The following HIP1R variants were observed in gnomAD, a reference collection of about 807,000 sequenced individuals.
The protein encoded by HIP1R is huntingtin-interacting protein 1-related protein.
A neutral mutation model predicts 144.2 loss-of-function variants in HIP1R; 135 were observed. The ratio of observed to expected loss-of-function variants is 0.94; its 90% CI spans 0.81 to 1.08. The LOEUF is 1.08. HIP1R is among the 50% of genes least tolerant of loss of function. HIP1R has a pLI of 0.00. For missense variants in HIP1R, 1,462 were observed against 1,432.8 expected (o/e 1.02, Z -0.33); for synonymous variants, 698 against 612.8 (o/e 1.14, Z -2.05).
In HIP1R at chr12:122,855,051, A is replaced by G; in HGVS notation, c.777-2A>G. The stretch of plus-strand genomic sequence containing the variant: ...AACCCGAACTTCCCACCATCTCTGC[A>G]GCCTCAGGAACTTCTTCCGCAGAGC... On this transcript the variant is annotated splice_acceptor_variant, in intron 9 of 31. Transcript: ENST00000253083. LOFTEE classifies it high-confidence loss of function. The G allele has an allele frequency of 6.2e-7, 1 of 1,613,882 alleles. No individual in the cohort carries two copies.
Position 122,860,904 on chromosome 12 carries a change from C to T in HIP1R, c.2767-12C>T, listed in dbSNP as rs1199937282. 2 of 1,607,492 alleles carry T rather than the reference C, an allele frequency of 1.2e-6. No individual in the cohort carries two copies. Among genetic ancestry groups the T allele is most frequent in the East Asian group, 2.2e-5 (1 of 44,534 alleles). On this transcript the variant is annotated splice_polypyrimidine_tract_variant and intron_variant, in intron 28 of 31. Transcript: ENST00000253083. The stretch of plus-strand genomic sequence containing the variant: ...GGGAGACCTGGGCCCACCCTGACCT[C>T]TCGCCCCTCAGGTGAAGGCCAACAA...
At chr12:122,853,958 G>T in intron 7 of HIP1R, 85 bp from the exon 8 acceptor site, 1 of 1,482,240 alleles carries the variant, frequency 6.7e-7, no homozygotes, top group East Asian at 2.4e-5. Flanking sequence ...AGCTGGCTTA[G>T]GGCCCTGCTT....
Position 122,855,880 on chromosome 12 carries a change from G to A in HIP1R, c.1105G>A (p.Glu369Lys), listed in dbSNP as rs144750833. Residue 369 changes from glutamate to lysine, a missense_variant, in exon 13 of 32, where the codon GAA (glutamate) becomes AAA (lysine). By Grantham distance (56) the Glu-to-Lys change is moderately conservative (BLOSUM62 1). Coordinates refer to ENST00000253083, the MANE Select transcript of HIP1R (RefSeq NM_003959.3). ...LKREVEMLRS[E>K]LEKIKLEAQR... ...GAGAGAGGTGGAAATGCTCCGCTCTGAACTGGAGAAGATCAAGCTGGAGGT... is the reference window on the plus strand; with the variant it reads ...GAGAGAGGTGGAAATGCTCCGCTCTAAACTGGAGAAGATCAAGCTGGAGGT... 7.3e-6 allele frequency: 9 copies of A among 1,239,760 alleles called. No individual in the cohort carries two copies. The highest frequency in any genetic ancestry group is 2.0e-4 in the Middle Eastern group (1 of 4,974). The allele number at this position is 1,239,760 out of a possible 1,614,324, so 76.8% of individuals were successfully genotyped here. A position where few individuals can be genotyped will look rare whatever the true frequency, so the allele number is the denominator to read the frequency against.
chr12:122,844,406 G>C (rs575863046), intron 1 of HIP1R, among the ~76,000 whole-genome samples: 17 of 152,292 alleles, frequency 1.1e-4, no homozygotes, highest in African/African-American at 3.4e-4. Flanking sequence ...GATTATAGGC[G>C]TGCGCCACTG....
rs748783944 is a variant in HIP1R at position 122,860,968 on chromosome 12, GCA to G, written c.2822_2823del (p.Thr941SerfsTer3). ...CTGAGCCGCCTGCAGGAATGTTCTC[GCA>G]CAGTCAATGAGAGGGCTGCCAATGT... On this transcript the variant is annotated frameshift_variant, in exon 29 of 32. Coordinates refer to ENST00000253083, the MANE Select transcript of HIP1R (RefSeq NM_003959.3). LOFTEE classifies it high-confidence loss of function. The G allele has an allele frequency of 8.7e-6, 14 of 1,613,492 alleles. No homozygotes were observed. The highest frequency in any genetic ancestry group is 1.1e-5 in the Non-Finnish European group (13 of 1,179,988).
At position 122,856,347 on chromosome 12, in the gene HIP1R, AG is replaced by A. The variant is rs1566111507; in HGVS notation, c.1401+5del. On this transcript the variant is annotated splice_donor_region_variant and intron_variant, in intron 15 of 31. Transcript: ENST00000253083. ...TGCACGCGGAGCTGCTCAGAAAGGT[AG>A]GTGCAGCCCATCCTCCATCCCAGCC... The A allele has an allele frequency of 6.2e-7, 1 of 1,613,704 alleles. No individual in the cohort carries two copies. The highest frequency in any genetic ancestry group is 1.7e-5 in the Admixed American group (1 of 60,006).
intron 1 of HIP1R, among the ~76,000 whole-genome samples, chr12:122,837,576 G>A (rs534564567): frequency 2.0e-5 from 3 of 152,248 alleles, no homozygotes; most frequent in South Asian, 2.1e-4. Flanking sequence ...GCCTCACCTC[G>A]GCCTCCCGAG....
Position 122,860,511 on chromosome 12 carries a change from C to T in HIP1R, c.2648C>T (p.Ala883Val). ...ISASKAVGWG[A>V]TQLVEAADKV... ...GCCTCCAAGGCTGTGGGCTGGGGAG[C>T]CACACAGCTGGTGTAGGTTGCCCTG... The change falls in exon 27 of 32, where the codon GCC (alanine) becomes GTC (valine). Residue 883 changes from alanine (A) to valine (V), a missense_variant. Physicochemically the swap from Ala to Val is moderately conservative, Grantham distance 64 (BLOSUM62 0). Transcript: ENST00000253083. The T allele has an allele frequency of 6.2e-7, 1 of 1,612,222 alleles. No homozygotes were observed. Among genetic ancestry groups the T allele is most frequent in the South Asian group, 1.1e-5 (1 of 91,062 alleles).
intron 4 of HIP1R, 122 bp downstream of exon 4, chr12:122,848,974 C>G: frequency 5.1e-6 from 5 of 981,628 alleles, no homozygotes; most frequent in Non-Finnish European, 8.0e-6. Flanking sequence ...CCAGGGGCGA[C>G]AGTGGGAGGG....
chr12:122,854,820 T>C, intron 8 of HIP1R, 85 bp from the exon 9 acceptor site: 1 of 1,404,206 alleles, frequency 7.1e-7, no homozygotes, highest in Non-Finnish European at 9.9e-7. Flanking sequence ...TCTGTGAGTT[T>C]GTAGCATACG....
Position 122,856,103 on chromosome 12 carries a change from C to A in HIP1R, c.1252C>A (p.Gln418Lys). 6.3e-7 allele frequency: 1 copy of A among 1,586,994 alleles called. No individual in the cohort carries two copies. The highest frequency in any genetic ancestry group is 8.6e-7 in the Non-Finnish European group (1 of 1,167,164). The change falls in exon 14 of 32, where the codon CAG (glutamine) becomes AAG (lysine). Residue 418 changes from glutamine to lysine, a missense_variant. By Grantham distance (53) the Gln-to-Lys change is moderately conservative (BLOSUM62 1). Coordinates refer to ENST00000253083, the MANE Select transcript of HIP1R (RefSeq NM_003959.3). ...DNEQLRHELA[Q>K]LRAAQLEGER... ...TGAGCAGCTCCGCCACGAGCTGGCC[C>A]AGCTGAGGGCTGCCCAGCTGGAGGG...
In HIP1R at chr12:122,855,995, G is replaced by T; in HGVS notation, c.1144G>T (p.Ala382Ser). Residue 382 changes from alanine to serine, a missense_variant, in exon 14 of 32, where the codon GCG becomes TCG. Ala to Ser is a moderately conservative substitution (Grantham distance 99, BLOSUM62 1). Around this residue, in one of 2 missense-constraint regions of HIP1R, gnomAD observed 1,112 missense variants for 1,011.7 expected, o/e 1.10. Transcript: ENST00000253083. ...KIKLEAQRYI[A>S]QLKSQVNALE... Reference sequence around the variant, plus strand: ...CCTCCCGCAGGCCCAGCGGTACATCGCGCAGCTGAAGAGCCAGGTGAATGC... The same window carrying T: ...CCTCCCGCAGGCCCAGCGGTACATCTCGCAGCTGAAGAGCCAGGTGAATGC... 3 of 1,590,746 alleles carry T rather than the reference G, an allele frequency of 1.9e-6. No individual in the cohort carries two copies. The highest frequency in any genetic ancestry group is 1.7e-4 in the Middle Eastern group (1 of 6,024).
At position 122,860,078 on chromosome 12, in the gene HIP1R, G is replaced by A; in HGVS notation, c.2496+1G>A. The A allele has an allele frequency of 6.3e-7, 1 of 1,575,732 alleles. No individual in the cohort carries two copies. The highest frequency in any genetic ancestry group is 8.6e-7 in the Non-Finnish European group (1 of 1,161,208). On this transcript the variant is annotated splice_donor_variant, in intron 25 of 31. Coordinates refer to ENST00000253083, the MANE Select transcript of HIP1R (RefSeq NM_003959.3). LOFTEE classifies it high-confidence loss of function. ...CAACTCCTGCACAGACCTGATGAAG[G>A]TGAGGGGCTGTGACCCGGGGGGGTC...
At chr12:122,854,216 G>T (rs200369335) in intron 8 of HIP1R, 33 bp downstream of exon 8, 360 of 1,599,620 alleles carry the variant, frequency 2.3e-4, no homozygotes, top group Non-Finnish European at 3.0e-4. Context: ...TGGCCCGGAA[G>T]GCTGTGTTTA....
At chr12:122,857,329 G>C (rs1379596623) in intron 18 of HIP1R, 114 bp downstream of exon 18, 2 of 999,154 alleles carry the variant, frequency 2.0e-6, no homozygotes, top group South Asian at 1.4e-5. Context: ...GATCATACAC[G>C]ATGCATCCTT....
intron 1 of HIP1R, among the ~76,000 whole-genome samples, chr12:122,844,358 C>A (rs2033149090): frequency 6.6e-6 from 1 of 152,028 alleles, no homozygotes; most frequent in South Asian, 2.1e-4. Context: ...AACTCCTGGG[C>A]TCAAGTGATC....
intron 18 of HIP1R, chr12:122,857,587 A>G: frequency 2.4e-6 from 1 of 410,944 alleles, no homozygotes; most frequent in East Asian, 5.3e-5. Context: ...TCTTGGATAG[A>G]TAGCTGATGT....
At chr12:122,847,945 T>C (rs2033258166) in intron 1 of HIP1R, 86 bp from the exon 2 acceptor site, 4 of 1,259,444 alleles carry the variant, frequency 3.2e-6, no homozygotes, top group Non-Finnish European at 4.6e-6. Context: ...CAGAATCCTG[T>C]TCAGTATTGT....
chr12:122,861,294 C>T lies in HIP1R; in HGVS notation c.2953-14C>T. 5.0e-6 allele frequency: 8 copies of T among 1,613,596 alleles called. No homozygotes were observed. The highest frequency in any genetic ancestry group is 5.9e-6 in the Non-Finnish European group (7 of 1,179,952). On this transcript the variant is annotated splice_polypyrimidine_tract_variant and intron_variant, in intron 30 of 31. Coordinates refer to ENST00000253083, the MANE Select transcript of HIP1R (RefSeq NM_003959.3). Reference sequence around the variant, plus strand: ...GGGAGGCTGGGCTGGGCTGAGCAGGCCGTGTGGCTACAGGTGCGTGTCCTG... The same window carrying T: ...GGGAGGCTGGGCTGGGCTGAGCAGGTCGTGTGGCTACAGGTGCGTGTCCTG...
Sources: gnomAD v4.1 joint callset for allele counts (sites outside exome capture counted in the v4.1 genomes callset) on GRCh38, gnomAD v4.1.1 for gene constraint, gnomAD v4.1.1 regional missense constraint, MANE v1.5 for transcripts, NCBI Gene and HGNC (gene_info 2026-07-23, HGNC 2026-07-21) for gene names.